The following UNC13C variants were observed in gnomAD, a reference collection of about 807,000 sequenced individuals.
UNC13C encodes the protein protein unc-13 homolog C.
UNC13C carries 174 observed loss-of-function variants against 245.4 expected under a neutral mutation model. The observed-to-expected ratio is 0.71, with a 90% confidence interval of 0.63 to 0.80. The LOEUF (loss-of-function observed/expected upper bound fraction) is 0.80. UNC13C is among the 30% of genes least tolerant of loss of function. UNC13C has a pLI of 0.00. For synonymous variants in UNC13C, 992 were observed against 895.1 expected, an observed-to-expected ratio of 1.11 and a Z score of -1.93; for missense variants, 2,829 against 2,602.9, an observed-to-expected ratio of 1.09 and a Z score of -1.89.
chr15:54,358,845 A>G (rs2039160552), intron 17 of UNC13C, among the ~76,000 whole-genome samples: 1 of 152,010 alleles, frequency 6.6e-6, no homozygotes, highest in African/African-American at 2.4e-5. Context: ...GACTTCCAGT[A>G]TTGTGTTGAA....
At chr15:53,949,896 T>C in the UNC13C span, among the ~76,000 whole-genome samples, 1 of 152,322 alleles carries the variant, frequency 6.6e-6, no homozygotes, top group Admixed American at 6.5e-5. Flanking sequence ...AGAAGGTGTC[T>C]TATAATAAAT....
In UNC13C at chr15:54,573,762, T is replaced by C. The variant is rs184688740; in HGVS notation, c.6106+5815T>C. 4.0e-3 allele frequency among the ~76,000 whole-genome samples: 607 copies of C among 152,294 alleles called. 3 individuals are homozygous for C. Among genetic ancestry groups the C allele is most frequent in the South Asian group, 6.8e-3 (33 of 4,826 alleles). ...TGGTGGTCATGTTACTGGCATCTAG[T>C]ACAGAGGCCAGGAATGCTGCTAAAC... On this transcript the variant is annotated intron_variant, in intron 30 of 32. Transcript: ENST00000260323.
chr15:54,421,406 G>T (rs541134782), intron 19 of UNC13C, among the ~76,000 whole-genome samples: 1 of 152,028 alleles, frequency 6.6e-6, no homozygotes, highest in East Asian at 1.9e-4. Flanking sequence ...CCCAATCATT[G>T]ACTTCTTCCA....
the UNC13C span, among the ~76,000 whole-genome samples, chr15:53,894,593 T>C: frequency 6.6e-6 from 1 of 152,194 alleles, no homozygotes; most frequent in African/African-American, 2.4e-5. Flanking sequence ...GTTGAAGTTG[T>C]AGCTGCTGTC....
upstream of UNC13C, among the ~76,000 whole-genome samples, chr15:53,977,930 C>T (rs1460114422): frequency 1.3e-5 from 2 of 152,172 alleles, no homozygotes; most frequent in Admixed American, 1.3e-4. Flanking sequence ...GTTCAGGAAT[C>T]ACCTTCAAAT....
intron 28 of UNC13C, among the ~76,000 whole-genome samples, chr15:54,554,713 T>G (rs1213253302): frequency 6.6e-6 from 1 of 152,016 alleles, no homozygotes; most frequent in Admixed American, 6.6e-5. Context: ...ATTGTATCAG[T>G]TTTGGGGGAT....
chr15:54,492,679 A>G (rs1893773212), intron 19 of UNC13C, among the ~76,000 whole-genome samples: 1 of 152,198 alleles, frequency 6.6e-6, no homozygotes, highest in African/African-American at 2.4e-5. Context: ...TTTATTATGC[A>G]ATAATCTGCT....
At chr15:54,476,536 G>C (rs968905091) in intron 19 of UNC13C, among the ~76,000 whole-genome samples, 1 of 151,750 alleles carries the variant, frequency 6.6e-6, no homozygotes, top group East Asian at 2.0e-4. Flanking sequence ...TGGCTGGCCA[G>C]TTTTCCCAGC....
intron 13 of UNC13C, among the ~76,000 whole-genome samples, chr15:54,305,190 T>C (rs1156416077): frequency 6.6e-6 from 1 of 152,140 alleles, no homozygotes; most frequent in East Asian, 1.9e-4. Context: ...GAATTACATT[T>C]ATTTTTACCT....
chr15:54,307,784 C>T (rs1214571629), intron 13 of UNC13C, among the ~76,000 whole-genome samples: 1 of 151,880 alleles, frequency 6.6e-6, no homozygotes, highest in African/African-American at 2.4e-5. Context: ...ATCTCCATAA[C>T]TGGGCTCTAG....
intron 19 of UNC13C, among the ~76,000 whole-genome samples, chr15:54,450,098 A>G (rs1891084475): frequency 6.6e-6 from 1 of 152,184 alleles, no homozygotes; most frequent in Non-Finnish European, 1.5e-5. Context: ...AATATTGAAC[A>G]GCGAATGTTG....
the UNC13C span, among the ~76,000 whole-genome samples, chr15:53,923,549 A>C: frequency 6.6e-6 from 1 of 152,202 alleles, no homozygotes; most frequent in Non-Finnish European, 1.5e-5. Flanking sequence ...CCATCCTCTA[A>C]AAGCAGCCCT....
chr15:54,015,656 A>G lies in UNC13C; in HGVS notation c.2753A>G (p.Gln918Arg). Reference protein sequence around the residue: ...LSYETPYETPQDEGYDGPADD... With the variant: ...LSYETPYETPRDEGYDGPADD... The stretch of plus-strand genomic sequence containing the variant: ...TATGAAACACCTTATGAAACCCCAC[A>G]AGATGAGGGTTATGATGGTCCAGCA... The change falls in exon 2 of 33, where the codon CAA becomes CGA. Residue 918 changes from glutamine (Q) to arginine (R), a missense_variant. Transcript: ENST00000260323. 6.2e-7 allele frequency: 1 copy of G among 1,613,712 alleles called. No homozygotes were observed. Among genetic ancestry groups the G allele is most frequent in the Non-Finnish European group, 8.5e-7 (1 of 1,179,732 alleles).
intron 4 of UNC13C, among the ~76,000 whole-genome samples, chr15:54,216,942 T>C (rs2035058260): frequency 6.6e-6 from 1 of 151,956 alleles, no homozygotes; most frequent in African/African-American, 2.4e-5. Context: ...AGATGGCATG[T>C]TGGTTTCTAA....
intron 11 of UNC13C, among the ~76,000 whole-genome samples, chr15:54,297,132 G>C (rs540331186): frequency 6.6e-6 from 1 of 152,254 alleles, no homozygotes; most frequent in East Asian, 1.9e-4. Context: ...ACAGCTTTCA[G>C]ATAAAATAAT....
the UNC13C span, among the ~76,000 whole-genome samples, chr15:53,873,061 G>C: frequency 6.6e-6 from 1 of 152,066 alleles, no homozygotes; most frequent in Non-Finnish European, 1.5e-5. Flanking sequence ...ATTCCCAGCT[G>C]TTGCCTTCCT....
chr15:54,445,864 G>A (rs1266450890), intron 19 of UNC13C, among the ~76,000 whole-genome samples: 1 of 152,126 alleles, frequency 6.6e-6, no homozygotes, highest in Non-Finnish European at 1.5e-5. Flanking sequence ...TGAAGTCCTT[G>A]CCCATGCCTA....
intron 17 of UNC13C, among the ~76,000 whole-genome samples, chr15:54,391,426 A>T (rs1209395226): frequency 6.6e-6 from 1 of 152,122 alleles, no homozygotes; most frequent in East Asian, 1.9e-4. Flanking sequence ...AAATAAAAAT[A>T]AATTTTAATA....
Position 54,014,870 on chromosome 15 carries a change from C to T in UNC13C, c.1967C>T (p.Pro656Leu), listed in dbSNP as rs1290377542. ...CTCTCTTTACATGAGGATCTTTCTC[C>T]ATGGAAGGAATGGAATCAAGGAGCT... ...SQLSLHEDLS[P>L]WKEWNQGADL... The change falls in exon 2 of 33, where the codon CCA (proline) becomes CTA (leucine). Residue 656 changes from proline to leucine, a missense_variant. Pro to Leu is a moderately conservative substitution (Grantham distance 98, BLOSUM62 -3). Transcript: ENST00000260323. The T allele has an allele frequency of 1.2e-6, 2 of 1,613,874 alleles. No homozygotes were observed. The highest frequency in any genetic ancestry group is 3.3e-5 in the Admixed American group (2 of 59,992).
Sources: gnomAD v4.1 joint callset for allele counts (sites outside exome capture counted in the v4.1 genomes callset) on GRCh38, gnomAD v4.1.1 for gene constraint, MANE v1.5 for transcripts, NCBI Gene and HGNC (gene_info 2026-07-23, HGNC 2026-07-21) for gene names.